The following IL17RE variants were observed in gnomAD, a reference collection of about 807,000 sequenced individuals.
IL17RE encodes interleukin-17 receptor E.
In IL17RE, 47 loss-of-function variants were observed where a neutral mutation model predicts 70.7. That is an observed-to-expected ratio of 0.67 (90% confidence interval 0.53 to 0.85). The LOEUF (loss-of-function observed/expected upper bound fraction) is 0.85, where lower values mean the gene tolerates loss of function less well. Among genes scored for constraint, IL17RE ranks in the 40% least tolerant of loss-of-function variants. The probability of loss-of-function intolerance (pLI) is 0.00; values close to 1 mark genes in which losing one functional copy is unlikely to be tolerated. For missense variants in IL17RE, 850 were observed against 893.9 expected, an observed-to-expected ratio of 0.95 and a Z score of 0.63; for synonymous variants, 372 against 381.2, an observed-to-expected ratio of 0.98 and a Z score of 0.28.
chr3:9,907,141 G>A (rs758878789), intron 6 of IL17RE, 41 bp downstream of exon 6: 59 of 1,611,634 alleles, frequency 3.7e-5, no homozygotes, highest in Non-Finnish European at 4.8e-5. Context: ...CGATCACACA[G>A]TGCTAGCAAA....
At position 9,911,022 on chromosome 3, in the gene IL17RE, A is replaced by C; in HGVS notation, c.960A>C (p.Thr320=). The C allele has an allele frequency of 6.2e-7, 1 of 1,613,878 alleles. No individual in the cohort carries two copies. The highest frequency in any genetic ancestry group is 1.3e-5 in the African/African-American group (1 of 74,922). ...HTLCKDLPNA[T]ARESDGWYVL... ...TTTGCAAAGACCTCCCGAATGCCAC[A>C]GCTCGAGAGTCAGATGGGGTGAGGA... Residue 320 remains threonine, a synonymous_variant, in exon 9 of 16, where the codon ACA becomes ACC. Transcript: ENST00000383814.
intron 12 of IL17RE, 95 bp from the exon 13 acceptor site, chr3:9,913,861 T>C: frequency 1.1e-6 from 1 of 945,722 alleles, no homozygotes; most frequent in South Asian, 1.3e-5. Flanking sequence ...GGATTGGGGG[T>C]GTGGTGGGGA....
intron 4 of IL17RE, 68 bp downstream of exon 4, chr3:9,906,529 G>T (rs2082761647): frequency 1.4e-6 from 2 of 1,399,726 alleles, no homozygotes; most frequent in South Asian, 1.2e-5. Context: ...CCTCTCATTT[G>T]GTTCTCCAGC....
chr3:9,911,770 G>T, intron 12 of IL17RE, 173 bp downstream of exon 12: 2 of 573,108 alleles, frequency 3.5e-6, no homozygotes, highest in South Asian at 2.8e-5. Context: ...CTGACAGTAG[G>T]TTCCTCAAGG....
chr3:9,915,303 G>A lies in IL17RE; in HGVS notation c.1500G>A (p.Ala500=). 1 of 1,395,534 alleles carries A rather than the reference G, an allele frequency of 7.2e-7. No homozygotes were observed. The highest frequency in any genetic ancestry group is 9.2e-7 in the Non-Finnish European group (1 of 1,082,214). The allele number at this position is 1,395,534 out of a possible 1,614,324, so 86.4% of individuals were successfully genotyped here. A position where few individuals can be genotyped will look rare whatever the true frequency, so the allele number is the denominator to read the frequency against. Residue 500 remains alanine (A), a synonymous_variant, in exon 16 of 16, where the codon GCG becomes GCA. Coordinates refer to ENST00000383814, the MANE Select transcript of IL17RE (RefSeq NM_153480.2). This position sits in a 1 kb window ranked among gnomAD's most constrained non-coding sequence, Gnocchi z 4.9. ...TCCTGCACGCGGCGGACTCGGAGGCGCAGCGGCGCCTGGTGGGAGCGCTGG... is the reference window on the plus strand; with the variant it reads ...TCCTGCACGCGGCGGACTCGGAGGCACAGCGGCGCCTGGTGGGAGCGCTGG... The part of the protein sequence containing the change: ...VLLLHAADSE[A]QRRLVGALAE...
chr3:9,914,467 TC>T, intron 13 of IL17RE, 80 bp from the exon 14 acceptor site: 2 of 1,582,166 alleles, frequency 1.3e-6, no homozygotes, highest in Non-Finnish European at 1.7e-6. Context: ...GACTCCCCTC[TC>T]CCCCAGCTCC....
At chr3:9,914,814 G>C (rs781531006) in intron 15 of IL17RE, 37 bp downstream of exon 15, 2 of 1,545,698 alleles carry the variant, frequency 1.3e-6, no homozygotes, top group South Asian at 1.1e-5. Flanking sequence ...AGTCAGACCT[G>C]CCCAGCTCGG....
Position 9,915,604 on chromosome 3 carries a change from G to C in IL17RE, c.1801G>C (p.Gly601Arg), listed in dbSNP as rs866163273. ...LAYFSRLCAK[G>R]DIPPPLRALP... is the part of the protein sequence containing the mutation. ...TTACTTCAGTCGCCTCTGCGCCAAG[G>C]GCGACATCCCCCCGCCGCTGCGCGC... is the stretch of plus-strand genomic sequence containing the variant. The change falls in exon 16 of 16, where the codon GGC (glycine) becomes CGC (arginine). Residue 601 changes from glycine to arginine, a missense_variant. Transcript: ENST00000383814. This position sits in a 1 kb window ranked among gnomAD's most constrained non-coding sequence, Gnocchi z 4.9. The C allele has an allele frequency of 7.0e-7, 1 of 1,422,206 alleles. No homozygotes were observed. Among genetic ancestry groups the C allele is most frequent in the African/African-American group, 1.5e-5 (1 of 67,094 alleles). 88.1% of individuals were successfully genotyped at this position (1,422,206 alleles called of 1,614,324 possible).
chr3:9,914,530 G>T lies in IL17RE; in HGVS notation c.1297-18G>T. The T allele has an allele frequency of 1.2e-6, 2 of 1,613,730 alleles. No homozygotes were observed. The highest frequency in any genetic ancestry group is 1.7e-6 in the Non-Finnish European group (2 of 1,179,836). ...GAAGATGCCTGGCTCATAGGGGTGG[G>T]GGGCTCTGTGCCCTCAGGTGTGGCG... On this transcript the variant is annotated intron_variant, in intron 13 of 15. Coordinates refer to ENST00000383814, the MANE Select transcript of IL17RE (RefSeq NM_153480.2).
Position 9,915,466 on chromosome 3 carries a change from G to A in IL17RE, c.1663G>A (p.Val555Met). Residue 555 changes from valine to methionine, a missense_variant, in exon 16 of 16, where the codon GTG becomes ATG. By Grantham distance (21) the Val-to-Met change is conservative. Coordinates refer to ENST00000383814, the MANE Select transcript of IL17RE (RefSeq NM_153480.2). The surrounding 1 kb of genome is among the most constrained non-coding windows in gnomAD (Gnocchi z 4.9). ...RTRVAREQGT[V>M]LLLWSGADLR... ...GCGCGTAGCGCGGGAGCAGGGCACT[G>A]TGCTGCTGCTGTGGAGCGGCGCCGA... The A allele has an allele frequency of 7.4e-7, 1 of 1,344,578 alleles. No homozygotes were observed. The highest frequency in any genetic ancestry group is 9.5e-7 in the Non-Finnish European group (1 of 1,056,758). 83.3% of individuals were successfully genotyped at this position (1,344,578 alleles called of 1,614,324 possible). A position where few individuals can be genotyped will look rare whatever the true frequency, so the allele number is the denominator to read the frequency against.
intron 12 of IL17RE, among the ~76,000 whole-genome samples, chr3:9,912,994 C>T (rs1428184880): frequency 1.3e-5 from 2 of 152,166 alleles, no homozygotes; most frequent in Admixed American, 6.5e-5. Context: ...CTAATAATAG[C>T]TGTTACCAAT....
At chr3:9,903,267 G>A in intron 1 of IL17RE, 130 bp from the exon 2 acceptor site, 1 of 1,111,146 alleles carries the variant, frequency 9.0e-7, no homozygotes, top group South Asian at 1.3e-5. Context: ...AGAGCCAGAA[G>A]GTATGGGCTA....
chr3:9,908,151 C>A, intron 6 of IL17RE, 88 bp from the exon 7 acceptor site: 1 of 1,105,108 alleles, frequency 9.0e-7, no homozygotes, highest in Non-Finnish European at 1.4e-6. Context: ...GGTGTGTTGG[C>A]CAAGATCCCA....
chr3:9,908,582 C>A (rs1299349791), intron 7 of IL17RE, among the ~76,000 whole-genome samples: 4 of 152,140 alleles, frequency 2.6e-5, no homozygotes, highest in African/African-American at 9.7e-5. Flanking sequence ...GCCCACAGAG[C>A]CAGAATAGGC....
At position 9,911,006 on chromosome 3, in the gene IL17RE, A is replaced by G; in HGVS notation, c.944A>G (p.Asp315Gly). 1 of 1,613,782 alleles carries G rather than the reference A, an allele frequency of 6.2e-7. No homozygotes were observed. The highest frequency in any genetic ancestry group is 8.5e-7 in the Non-Finnish European group (1 of 1,179,944). The change falls in exon 9 of 16, where the codon GAC becomes GGC. Residue 315 changes from aspartate to glycine, a missense_variant. Coordinates refer to ENST00000383814, the MANE Select transcript of IL17RE (RefSeq NM_153480.2). The part of the protein sequence containing the change: ...QRHDWHTLCK[D>G]LPNATARESD... ...CACGACTGGCATACCCTTTGCAAAG[A>G]CCTCCCGAATGCCACAGCTCGAGAG...
chr3:9,913,949 T>C lies in IL17RE; in HGVS notation c.1228-7T>C, dbSNP rs762135604. 4 of 1,613,390 alleles carry C rather than the reference T, an allele frequency of 2.5e-6. No individual in the cohort carries two copies. The South Asian group carries it at 4.4e-5, about 18-fold the overall frequency. ...GGGGACAGCCTTTCTGCTCTTTGTT[T>C]CTACAGGCCCGGGGCTCAAGCCCAG... On this transcript the variant is annotated splice_region_variant and splice_polypyrimidine_tract_variant and intron_variant, in intron 12 of 15. Transcript: ENST00000383814.
rs1321728924 is a variant in IL17RE, at chr3:9,906,053, C to G, written c.269-311C>G. Among the ~76,000 whole-genome samples the G allele has an allele frequency of 1.3e-5, 2 of 151,890 alleles. 1 individual carries two copies. The highest frequency in any genetic ancestry group is 3.9e-4 in the East Asian group (2 of 5,156). On this transcript the variant is annotated intron_variant, in intron 3 of 15. Coordinates refer to ENST00000383814, the MANE Select transcript of IL17RE (RefSeq NM_153480.2). ...TCACCTGAGGTTGGGAGTTCGAGAC[C>G]AGCCTGACCAACACGCAGAAACCCC... is the stretch of plus-strand genomic sequence containing the variant.
chr3:9,912,969 TA>T (rs200754542), intron 12 of IL17RE, among the ~76,000 whole-genome samples: 2,191 of 152,318 alleles, frequency 0.014, 45 homozygotes, highest in African/African-American at 0.05. Context: ...ATAACACAGT[TA>T]AGGAGTTCAT....
Position 9,916,340 on chromosome 3 carries a change from T to TGGGGGGGCCCG in IL17RE, c.*534_*535insGGGGGGCCCGG. The stretch of plus-strand genomic sequence containing the variant: ...GGGGGTTGGGGGTGGGGTGGGTGGG[T>TGGGGGGGCCCG]GCTGGCGGTGGGGACCAAGATCCGG... On this transcript the variant is annotated 3_prime_UTR_variant, in exon 16 of 16. Transcript: ENST00000383814. The TGGGGGGGCCCG allele has an allele frequency of 1.3e-5, 1 of 77,928 alleles. No individual in the cohort carries two copies. The highest frequency in any genetic ancestry group is 3.5e-4 in the East Asian group (1 of 2,860). 4.8% of individuals were successfully genotyped at this position (77,928 alleles called of 1,614,324 possible). A position where few individuals can be genotyped will look rare whatever the true frequency, so the allele number is the denominator to read the frequency against.
Sources: gnomAD v4.1 joint callset for allele counts (sites outside exome capture counted in the v4.1 genomes callset) on GRCh38, gnomAD v4.1.1 for gene constraint, Gnocchi (gnomAD v3.1) non-coding constraint, MANE v1.5 for transcripts, NCBI Gene and HGNC (gene_info 2026-07-23, HGNC 2026-07-21) for gene names.